ZNF208: variants seen among roughly 807,000 people sequenced by gnomAD.
ZNF208 encodes zinc finger protein 95.
Under a neutral mutation model 12.1 loss-of-function variants are expected in ZNF208, and 10 were observed. The ratio of observed to expected loss-of-function variants is 0.83; its 90% confidence interval spans 0.51 to 1.40. The LOEUF is 1.40. Ranked by LOEUF, ZNF208 falls within the 40% of genes most tolerant of loss-of-function variation. The probability of loss-of-function intolerance (pLI) is 0.00; values close to 1 mark genes in which losing one functional copy is unlikely to be tolerated. For synonymous variants in ZNF208, 497 were observed against 488.4 expected, an observed-to-expected ratio of 1.02 and a Z score of -0.23; for missense variants, 1,652 against 1,485.0, an observed-to-expected ratio of 1.11 and a Z score of -1.85.
At chr19:21,954,134 G>A (rs1031436267) in intron 4 of ZNF208, among the ~76,000 whole-genome samples, 3 of 152,158 alleles carry the variant, frequency 2.0e-5, no homozygotes, top group African/African-American at 7.2e-5. Flanking sequence ...TTTCCATGTA[G>A]TTAGCAGTTT....
intron 1 of ZNF208, among the ~76,000 whole-genome samples, chr19:22,003,735 C>G (rs1970996137): frequency 6.6e-6 from 1 of 152,114 alleles, no homozygotes; most frequent in Non-Finnish European, 1.5e-5. Context: ...ACCCAGTAAC[C>G]TCACAATTGG....
rs540962189 is a variant in ZNF208, at chr19:21,969,127, A to G, written c.*2064T>C. Among the ~76,000 whole-genome samples, 3 of 152,238 alleles carry G rather than the reference A, an allele frequency of 2.0e-5. No homozygotes were observed. In the South Asian group the frequency reaches 6.2e-4, roughly 32 times the overall value. On this transcript the variant is annotated 3_prime_UTR_variant, in exon 4 of 4. Coordinates refer to ENST00000397126, the MANE Select transcript of ZNF208 (RefSeq NM_007153.3). ...TGAACCTGGAAGCTAGACCTTGGCT[A>G]ATTTCTTTATTTCTTTTTAGTAAAC...
At chr19:21,989,718 A>G (rs1216966649) in intron 1 of ZNF208, among the ~76,000 whole-genome samples, 5 of 152,016 alleles carry the variant, frequency 3.3e-5, no homozygotes, top group South Asian at 2.1e-4. Context: ...AAGTGTTCCT[A>G]TTTCTCCACA....
chr19:21,969,622 G>A lies in ZNF208; in HGVS notation c.*1569C>T, dbSNP rs1970242253. Among the ~76,000 whole-genome samples the A allele has an allele frequency of 6.6e-6, 1 of 152,052 alleles. No homozygotes were observed. The highest frequency in any genetic ancestry group is 1.5e-5 in the Non-Finnish European group (1 of 68,012). ...TTTTTCCAAATTTATTAAATTTGCA[G>A]GGTTATTCTTCAATATAAATTCCCT... On this transcript the variant is annotated 3_prime_UTR_variant, in exon 4 of 4. Coordinates refer to ENST00000397126, the MANE Select transcript of ZNF208 (RefSeq NM_007153.3).
intron 4 of ZNF208, among the ~76,000 whole-genome samples, chr19:21,958,742 TA>T (rs138217248): frequency 0.56 from 85,841 of 152,022 alleles, 24,493 homozygotes; most frequent in East Asian, 0.69. Context: ...TCTTAGCTGC[TA>T]GAACAGTACC....
chr19:21,976,491 T>C (rs548197600), intron 3 of ZNF208, among the ~76,000 whole-genome samples: 2 of 152,338 alleles, frequency 1.3e-5, no homozygotes, highest in South Asian at 2.1e-4. Flanking sequence ...AAGTAACTCC[T>C]TCACTTTCAG....
chr19:21,960,875 G>C (rs1473181767), intron 4 of ZNF208, among the ~76,000 whole-genome samples: 1 of 152,170 alleles, frequency 6.6e-6, no homozygotes, highest in East Asian at 1.9e-4. Context: ...TCTATGGACA[G>C]TTTTAAACAC....
At chr19:21,965,815 T>G (rs1290833998), downstream of ZNF208, 6 of 152,124 alleles carry the variant, frequency 3.9e-5, no homozygotes, top group Admixed American at 1.3e-4. Flanking sequence ...AAAAAATGAT[T>G]AATCCAATTA....
At position 21,972,591 on chromosome 19, in the gene ZNF208, TA is replaced by T; in HGVS notation, c.2442del (p.Phe814LeufsTer40). 6.2e-7 allele frequency: 1 copy of T among 1,613,564 alleles called. No homozygotes were observed. The highest frequency in any genetic ancestry group is 1.1e-5 in the South Asian group (1 of 91,030). Reference protein sequence around the residue: ...PYKCEECGKTFSKVSTLTTHK... With the variant: ...PYKCEECGKTXSKVSTLTTHK... ...TGTGTAGTAAGGGTTGAGACCTTAC[TA>T]AAGGTTTTGCCACATTCTTCACATT... On this transcript the variant is annotated frameshift_variant, in exon 4 of 4. Transcript: ENST00000397126. LOFTEE classifies it low-confidence loss of function (END_TRUNC).
chr19:22,006,328 T>G, intron 1 of ZNF208, among the ~76,000 whole-genome samples: 1 of 152,294 alleles, frequency 6.6e-6, no homozygotes, highest in African/African-American at 2.4e-5. Context: ...GATCTTATAG[T>G]TGGTACTTCC....
chr19:21,955,885 T>C (rs879939019), intron 4 of ZNF208, among the ~76,000 whole-genome samples: 23 of 152,256 alleles, frequency 1.5e-4, no homozygotes, highest in Admixed American at 4.6e-4. Context: ...GGTGAGGAAC[T>C]GCATTCCTTT....
rs534695172 is a variant in ZNF208, at chr19:21,970,603, T to C, written c.*588A>G. On this transcript the variant is annotated 3_prime_UTR_variant, in exon 4 of 4. Transcript: ENST00000397126. ...GAAGTCTTTATCACATTCTTCACAT[T>C]TGTAGGGCTTCTCACCAGTATGAAT... 7 of 899,544 alleles carry C rather than the reference T, an allele frequency of 7.8e-6. No homozygotes were observed. The highest frequency in any genetic ancestry group is 1.1e-5 in the Non-Finnish European group (6 of 566,122). The allele number at this position is 899,544 out of a possible 1,614,324, so 55.7% of individuals were successfully genotyped here.
At chr19:21,950,004 CAGAGGAAACTAAAG>C (rs1362900407) in intron 4 of ZNF208, among the ~76,000 whole-genome samples, 7 of 152,160 alleles carry the variant, frequency 4.6e-5, no homozygotes, top group Non-Finnish European at 8.8e-5. Context: ...CACTTTCTCC[CAGAGGAAACTAAAG>C]AGCCTAAACA....
intron 4 of ZNF208, among the ~76,000 whole-genome samples, chr19:21,942,938 C>T (rs774704999): frequency 7.9e-5 from 12 of 152,138 alleles, no homozygotes; most frequent in South Asian, 2.1e-4. Context: ...TGTGAGCCAC[C>T]GCACCTGACC....
intron 3 of ZNF208, among the ~76,000 whole-genome samples, chr19:21,984,577 CA>C (rs777128808): frequency 4.0e-5 from 6 of 150,880 alleles, no homozygotes; most frequent in Non-Finnish European, 7.4e-5. Context: ...AACAAACAAA[CA>C]AAAAAAATAT....
intron 3 of ZNF208, among the ~76,000 whole-genome samples, chr19:21,985,726 G>A (rs1970620163): frequency 6.6e-6 from 1 of 152,190 alleles, no homozygotes. Flanking sequence ...GGTCCTTACT[G>A]TGGTTCCAAT....
intron 4 of ZNF208, among the ~76,000 whole-genome samples, chr19:21,959,526 C>T (rs1481088203): frequency 6.6e-6 from 1 of 152,190 alleles, no homozygotes; most frequent in Non-Finnish European, 1.5e-5. Flanking sequence ...TGTGAATAGA[C>T]TGACACTGGA....
intron 1 of ZNF208, among the ~76,000 whole-genome samples, chr19:21,999,654 TTAAAGAC>T (rs1305607072): frequency 6.6e-6 from 1 of 152,038 alleles, no homozygotes; most frequent in East Asian, 1.9e-4. Flanking sequence ...TGTGTCTACT[TTAAAGAC>T]TAAAGACAAA....
Position 21,968,236 on chromosome 19 carries a change from G to C in ZNF208, c.*2955C>G, listed in dbSNP as rs1317904351. 6.6e-6 allele frequency: 1 copy of C among 151,952 alleles called. No homozygotes were observed. The highest frequency in any genetic ancestry group is 6.6e-5 in the Admixed American group (1 of 15,244). The allele number at this position is 151,952 out of a possible 1,614,324, so 9.4% of individuals were successfully genotyped here. On this transcript the variant is annotated 3_prime_UTR_variant, in exon 4 of 4. Coordinates refer to ENST00000397126, the MANE Select transcript of ZNF208 (RefSeq NM_007153.3). Reference sequence around the variant, plus strand: ...TTGGATTCCTTTTATTCTCTGGCTAGGATTTCATAACTTCAATAGGACTGT... The same window carrying C: ...TTGGATTCCTTTTATTCTCTGGCTACGATTTCATAACTTCAATAGGACTGT...
Sources: allele counts gnomAD v4.1 joint callset (sites outside exome capture counted in the v4.1 genomes callset), GRCh38; gene constraint gnomAD v4.1.1; transcripts MANE v1.5; gene names NCBI Gene and HGNC (gene_info 2026-07-23, HGNC 2026-07-21).